The following KCTD3 variants were observed in gnomAD, a reference collection of about 807,000 sequenced individuals.
KCTD3 encodes the protein BTB/POZ domain-containing protein KCTD3.
Under a neutral mutation model 85.8 loss-of-function variants are expected in KCTD3, and 41 were observed. The observed-to-expected ratio is 0.48, with a 90% confidence interval of 0.37 to 0.62. The LOEUF (loss-of-function observed/expected upper bound fraction) is 0.62, where lower values mean the gene tolerates loss of function less well. KCTD3 is among the 20% of genes least tolerant of loss of function. The pLI is 0.00. For synonymous variants in KCTD3, 338 were observed against 345.4 expected (o/e 0.98, Z 0.24); for missense variants, 724 against 989.9 (o/e 0.73, Z 3.60).
chr1:215,580,033 G>C (rs766713796), intron 8 of KCTD3, 34 bp downstream of exon 8: 2 of 1,293,180 alleles, frequency 1.5e-6, no homozygotes, highest in South Asian at 2.5e-5. Context: ...TGCTTTTACA[G>C]GTGGCAGTTT....
In KCTD3 at chr1:215,571,621, G is replaced by A. The variant is rs374201216; in HGVS notation, c.84-2165G>A. 1.7e-3 allele frequency among the ~76,000 whole-genome samples: 256 copies of A among 151,998 alleles called. 1 individual carries two copies. The highest frequency in any genetic ancestry group is 5.8e-3 in the African/African-American group (242 of 41,426). On this transcript the variant is annotated intron_variant, in intron 1 of 17. Coordinates refer to ENST00000259154, the MANE Select transcript of KCTD3 (RefSeq NM_016121.5). ...GTAAAGTTGTATGTGGGAAGAAGTG[G>A]AGATAAACTTTTTTTTTTTTTTTTT...
chr1:215,578,974 T>C (rs756890346), intron 6 of KCTD3, 26 bp from the exon 7 acceptor site: 4 of 1,473,310 alleles, frequency 2.7e-6, no homozygotes, highest in Non-Finnish European at 2.7e-6. Flanking sequence ...CTTAGGAATG[T>C]ATTTGTTTTC....
At position 215,619,257 on chromosome 1, in the gene KCTD3, G is replaced by A. The variant is rs748715752; in HGVS notation, c.1852G>A (p.Val618Ile). The A allele has an allele frequency of 1.2e-6, 2 of 1,613,872 alleles. No individual in the cohort carries two copies. Among genetic ancestry groups the A allele is most frequent in the Admixed American group, 1.7e-5 (1 of 60,008 alleles). Residue 618 changes from valine to isoleucine, a missense_variant, in exon 17 of 18, where the codon GTT (valine) becomes ATT (isoleucine). Transcript: ENST00000259154. ...TPNISPATSV[V>I]QHSHLRESNS... is the part of the protein sequence containing the mutation. ...TAACATCAGTCCAGCAACTTCCGTAGTTCAGCATAGCCACTTACGAGAATC... is the reference window on the plus strand; with the variant it reads ...TAACATCAGTCCAGCAACTTCCGTAATTCAGCATAGCCACTTACGAGAATC...
At chr1:215,580,608 T>C (rs1659780493) in intron 8 of KCTD3, among the ~76,000 whole-genome samples, 2 of 152,022 alleles carry the variant, frequency 1.3e-5, no homozygotes, top group African/African-American at 4.8e-5. Flanking sequence ...GGACTCTTAG[T>C]TCAAAATCAC....
At chr1:215,569,294 C>T (rs964429593) in intron 1 of KCTD3, among the ~76,000 whole-genome samples, 2 of 151,472 alleles carry the variant, frequency 1.3e-5, no homozygotes, top group African/African-American at 4.9e-5. Flanking sequence ...GTAATTTTTG[C>T]ATTTTTAGTA....
At chr1:215,590,095 G>A (rs1256000213) in intron 9 of KCTD3, among the ~76,000 whole-genome samples, 1 of 152,080 alleles carries the variant, frequency 6.6e-6, no homozygotes, top group Non-Finnish European at 1.5e-5. Context: ...TCAACACTTT[G>A]TATTGTCAGT....
In KCTD3 at chr1:215,604,312, T is replaced by C. The variant is rs759079025; in HGVS notation, c.1309+10T>C. 3 of 1,603,082 alleles carry C rather than the reference T, an allele frequency of 1.9e-6. No individual in the cohort carries two copies. The South Asian group carries it at 3.3e-5, about 18-fold the overall frequency. On this transcript the variant is annotated intron_variant, in intron 13 of 17. Coordinates refer to ENST00000259154, the MANE Select transcript of KCTD3 (RefSeq NM_016121.5). ...AAGCATCTTGTATCAGGTAAAATGA[T>C]TTCATTATACTGGTAAGGAACTTGG...
intron 1 of KCTD3, among the ~76,000 whole-genome samples, chr1:215,572,397 A>T (rs1659400947): frequency 6.6e-6 from 1 of 152,346 alleles, no homozygotes; most frequent in East Asian, 1.9e-4. Context: ...ATTTATCAAG[A>T]TATGTAAAAT....
intron 10 of KCTD3, 123 bp downstream of exon 10, chr1:215,595,594 G>A: frequency 1.7e-6 from 1 of 599,490 alleles, no homozygotes; most frequent in Non-Finnish European, 2.9e-6. Context: ...TTGAATAAAT[G>A]TAGTGGTAAA....
At chr1:215,584,013 T>C (rs543837127) in intron 8 of KCTD3, among the ~76,000 whole-genome samples, 8 of 152,264 alleles carry the variant, frequency 5.3e-5, no homozygotes, top group Admixed American at 2.0e-4. Context: ...AGGCTTTTCA[T>C]GAACTGGGAA....
At chr1:215,577,979 G>A in intron 5 of KCTD3, 22 bp from the exon 6 acceptor site, 4 of 1,604,870 alleles carry the variant, frequency 2.5e-6, no homozygotes, top group Non-Finnish European at 3.4e-6. Flanking sequence ...CTCTTGACAA[G>A]TTTGCTTTGA....
chr1:215,586,471 T>G, intron 8 of KCTD3, 24 bp from the exon 9 acceptor site: 1 of 1,593,132 alleles, frequency 6.3e-7, no homozygotes, highest in Non-Finnish European at 8.6e-7. Flanking sequence ...GAGTCTACCT[T>G]ATGTGCCTGT....
intron 3 of KCTD3, among the ~76,000 whole-genome samples, chr1:215,575,543 T>C (rs1236852649): frequency 6.6e-6 from 1 of 152,228 alleles, no homozygotes; most frequent in Non-Finnish European, 1.5e-5. Context: ...TTATTCATGT[T>C]TTCGAAGTAT....
Position 215,619,071 on chromosome 1 carries a change from GTAGGTTCTCA to G in KCTD3, c.1747+4_1747+13del. The G allele has an allele frequency of 6.2e-7, 1 of 1,611,368 alleles. No homozygotes were observed. ...ATGGTTAACAAAAGTGAAGATAAGG[GTAGGTTCTCA>G]TACAGAAAGATGTTTGTCACAAGGT... is the stretch of plus-strand genomic sequence containing the variant. On this transcript the variant is annotated splice_donor_variant and splice_donor_5th_base_variant and intron_variant, in intron 16 of 17. Coordinates refer to ENST00000259154, the MANE Select transcript of KCTD3 (RefSeq NM_016121.5). LOFTEE classifies it high-confidence loss of function.
In KCTD3 at chr1:215,579,000, G is replaced by A. The variant is rs753465450; in HGVS notation, c.398G>A (p.Gly133Asp). Residue 133 changes from glycine (G) to aspartate (D), a missense_variant and splice_region_variant, in exon 7 of 18, where the codon GGT (glycine) becomes GAT (aspartate). Gly to Asp is a moderately conservative substitution (Grantham distance 94). Coordinates refer to ENST00000259154, the MANE Select transcript of KCTD3 (RefSeq NM_016121.5). Reference protein sequence around the residue: ...VLFHGYLPPPGIPSRKINNTV... With the variant: ...VLFHGYLPPPDIPSRKINNTV... ...ATTTGTTTTCTTCTTCTCTTTATAGGTATTCCTAGTCGTAAAATAAACAAC... is the reference window on the plus strand; with the variant it reads ...ATTTGTTTTCTTCTTCTCTTTATAGATATTCCTAGTCGTAAAATAAACAAC... 1.1e-5 allele frequency: 17 copies of A among 1,543,212 alleles called. No homozygotes were observed. Among genetic ancestry groups the A allele is most frequent in the Non-Finnish European group, 1.5e-5 (17 of 1,147,686 alleles).
chr1:215,595,505 T>C (rs2102582640), intron 10 of KCTD3, 34 bp downstream of exon 10: 1 of 1,246,684 alleles, frequency 8.0e-7, no homozygotes, highest in South Asian at 1.2e-5. Context: ...AGTGAAAATA[T>C]TTCTGAAATG....
intron 8 of KCTD3, among the ~76,000 whole-genome samples, chr1:215,584,027 G>A (rs796457711): frequency 7.2e-5 from 11 of 152,186 alleles, no homozygotes; most frequent in African/African-American, 2.7e-4. Context: ...CTGGGAAATT[G>A]TTGTAACCAA....
chr1:215,614,871 G>A (rs1303972907), intron 15 of KCTD3, among the ~76,000 whole-genome samples: 1 of 152,044 alleles, frequency 6.6e-6, no homozygotes, highest in African/African-American at 2.4e-5. Flanking sequence ...TTACATCAAA[G>A]TTCATTATCA....
intron 9 of KCTD3, among the ~76,000 whole-genome samples, chr1:215,588,280 A>G (rs1660087600): frequency 6.6e-6 from 1 of 152,120 alleles, no homozygotes; most frequent in South Asian, 2.1e-4. Flanking sequence ...GTACTTAGTC[A>G]TACAGAATAT....
Sources: gnomAD v4.1 joint callset for allele counts (sites outside exome capture counted in the v4.1 genomes callset) on GRCh38, gnomAD v4.1.1 for gene constraint, MANE v1.5 for transcripts, NCBI Gene and HGNC (gene_info 2026-07-23, HGNC 2026-07-21) for gene names.